Variants in CIB1 observed in about 807,000 individuals in gnomAD.
CIB1 encodes the protein calcium and integrin binding 1.
Under a neutral mutation model 25.0 loss-of-function variants are expected in CIB1, and 19 were observed. The observed-to-expected ratio is 0.76, with a 90% CI of 0.53 to 1.12. The LOEUF (loss-of-function observed/expected upper bound fraction) is 1.12, where lower values mean the gene tolerates loss of function less well. CIB1 is among the 50% of genes most tolerant of loss of function. CIB1 has a pLI of 0.00. For synonymous variants in CIB1, 104 were observed against 98.5 expected, an observed-to-expected ratio of 1.06 and a Z score of -0.33; for missense variants, 236 against 242.6, an observed-to-expected ratio of 0.97 and a Z score of 0.18.
At chr15:90,251,029 C>G in the CIB1 span, 1 of 1,148,964 alleles carries the variant, frequency 8.7e-7, no homozygotes. Flanking sequence ...TGTCATTAAC[C>G]CTTTGATACA....
chr15:90,252,832 G>A, the CIB1 span, among the ~76,000 whole-genome samples: 1 of 152,028 alleles, frequency 6.6e-6, no homozygotes, highest in South Asian at 2.1e-4. Flanking sequence ...GTAAAACCCC[G>A]TCTCTACTAA....
At chr15:90,240,290 C>T in the CIB1 span, among the ~76,000 whole-genome samples, 3 of 152,018 alleles carry the variant, frequency 2.0e-5, no homozygotes, top group East Asian at 1.9e-4. Context: ...GGAGGGTCAC[C>T]GGAGGTCAGG....
At chr15:90,248,602 C>G in the CIB1 span, among the ~76,000 whole-genome samples, 1 of 151,510 alleles carries the variant, frequency 6.6e-6, no homozygotes, top group Non-Finnish European at 1.5e-5. Context: ...GTAGCCCCAG[C>G]TACTTGGGAC....
the CIB1 span, chr15:90,258,880 AGT>A: frequency 6.2e-7 from 1 of 1,614,196 alleles, no homozygotes. Flanking sequence ...ATAAGCGGCG[AGT>A]CAAGGAACGG....
At chr15:90,244,056 G>C in the CIB1 span, 1 of 151,902 alleles carries the variant, frequency 6.6e-6, no homozygotes, top group Non-Finnish European at 1.5e-5. Context: ...AATTCAGCCT[G>C]AGTCTTCTTA....
At chr15:90,264,176 G>T in the CIB1 span, 1 of 660,648 alleles carries the variant, frequency 1.5e-6, no homozygotes, top group African/African-American at 1.8e-5. Flanking sequence ...GAATGGGGAA[G>T]TTAGGGTACC....
chr15:90,258,778 C>T, the CIB1 span: 4 of 1,614,164 alleles, frequency 2.5e-6, no homozygotes, highest in African/African-American at 1.3e-5. Context: ...CGGACTCATG[C>T]CTTGATCAAG....
chr15:90,265,491 T>C, the CIB1 span: 5 of 1,404,540 alleles, frequency 3.6e-6, no homozygotes, highest in Non-Finnish European at 3.7e-6. Context: ...GAGCGTCCTG[T>C]ACCTCATTTC....
At chr15:90,236,896 C>T (rs1238989947), upstream of CIB1, among the ~76,000 whole-genome samples, 1 of 152,116 alleles carries the variant, frequency 6.6e-6, no homozygotes, top group East Asian at 1.9e-4. Flanking sequence ...CATATTGTCC[C>T]TCCTGTACCT....
At chr15:90,252,063 G>A in the CIB1 span, among the ~76,000 whole-genome samples, 2 of 85,200 alleles carry the variant, frequency 2.3e-5, no homozygotes, top group Non-Finnish European at 5.1e-5. Flanking sequence ...TTTTGAGACC[G>A]AGTTTTGCTC....
chr15:90,242,000 GC>G, the CIB1 span: 20 of 1,614,022 alleles, frequency 1.2e-5, no homozygotes, highest in East Asian at 4.2e-4. Flanking sequence ...ACTGTCGGCT[GC>G]CCCCATCCCA....
At chr15:90,252,357 G>C in the CIB1 span, among the ~76,000 whole-genome samples, 1 of 151,172 alleles carries the variant, frequency 6.6e-6, no homozygotes, top group Non-Finnish European at 1.5e-5. Flanking sequence ...ATTCTTAAAT[G>C]TTTTGTAGAG....
chr15:90,231,721 C>A (rs1962497990), intron 3 of CIB1, among the ~76,000 whole-genome samples: 1 of 152,164 alleles, frequency 6.6e-6, no homozygotes, highest in African/African-American at 2.4e-5. Flanking sequence ...TCCTGGGAGT[C>A]AAGTGTTTAA....
chr15:90,250,713 G>C, the CIB1 span: 10 of 1,614,100 alleles, frequency 6.2e-6, no homozygotes, highest in Non-Finnish European at 8.5e-6. Flanking sequence ...GTTAAAGAGG[G>C]AGTTACCAAC....
At chr15:90,254,800 C>A in the CIB1 span, among the ~76,000 whole-genome samples, 1 of 150,894 alleles carries the variant, frequency 6.6e-6, no homozygotes, top group Non-Finnish European at 1.5e-5. Flanking sequence ...GAGCTGAGAT[C>A]ACACCACTGC....
the CIB1 span, chr15:90,257,891 C>T: frequency 4.3e-6 from 4 of 937,296 alleles, no homozygotes; most frequent in Non-Finnish European, 6.5e-6. Flanking sequence ...CCCCAAACCT[C>T]ACCCTGATAA....
chr15:90,253,421 T>G, the CIB1 span: 1 of 1,375,380 alleles, frequency 7.3e-7, no homozygotes, highest in Non-Finnish European at 1.0e-6. Context: ...AGAATGACTA[T>G]TCCCACCTCC....
the CIB1 span, chr15:90,243,947 T>G: frequency 3.0e-4 from 46 of 151,570 alleles, 2 homozygotes; most frequent in Non-Finnish European, 8.8e-5. Flanking sequence ...GCCTGAGTTT[T>G]TTTTTTTTTT....
At chr15:90,247,643 G>T in the CIB1 span, among the ~76,000 whole-genome samples, 1 of 151,440 alleles carries the variant, frequency 6.6e-6, no homozygotes, top group Non-Finnish European at 1.5e-5. Flanking sequence ...CTGTATAGAG[G>T]GTTGTAGCAC....
Sources: gnomAD v4.1 joint callset for allele counts (sites outside exome capture counted in the v4.1 genomes callset) on GRCh38, gnomAD v4.1.1 for gene constraint, MANE v1.5 for transcripts, NCBI Gene and HGNC (gene_info 2026-07-23, HGNC 2026-07-21) for gene names.